Variants in JARID2 observed in about 807,000 individuals in gnomAD.
JARID2 encodes jumonji and AT-rich interaction domain containing 2.
A neutral mutation model predicts 125.6 loss-of-function variants in JARID2; 21 were observed. The observed-to-expected ratio is 0.17, with a 90% confidence interval of 0.12 to 0.24. JARID2 has a LOEUF of 0.24. Ranked by LOEUF, JARID2 falls within the 10% of genes least tolerant of loss-of-function variation. JARID2 has a pLI of 1.00. For synonymous variants in JARID2, 736 were observed against 661.6 expected, an observed-to-expected ratio of 1.11 and a Z score of -1.73; for missense variants, 1,303 against 1,639.6, an observed-to-expected ratio of 0.79 and a Z score of 3.55.
At chr6:15,472,604 T>C (rs1196582018) in intron 5 of JARID2, among the ~76,000 whole-genome samples, 6 of 152,212 alleles carry the variant, frequency 3.9e-5, no homozygotes, top group Non-Finnish European at 7.3e-5. Context: ...AACTACCATC[T>C]TGGGAGAAGC....
chr6:15,438,318 G>A (rs1401391158), intron 3 of JARID2, among the ~76,000 whole-genome samples: 1 of 152,240 alleles, frequency 6.6e-6, no homozygotes, highest in East Asian at 1.9e-4. Context: ...ATTATAAAGA[G>A]GGTAGTTATG....
At chr6:15,444,606 A>G (rs1581573526) in intron 3 of JARID2, among the ~76,000 whole-genome samples, 1 of 149,426 alleles carries the variant, frequency 6.7e-6, no homozygotes, top group Non-Finnish European at 1.5e-5. Flanking sequence ...GGATGGAAAC[A>G]CAGGAAATTT....
Position 15,369,052 on chromosome 6 carries a change from G to A in JARID2, c.46-5065G>A, listed in dbSNP as rs79433052. ...ATATGTTGAATCTCTAGCCCGGACCGTCAGCTGTGGAGAGTTGTTACATGG... is the reference window on the plus strand; with the variant it reads ...ATATGTTGAATCTCTAGCCCGGACCATCAGCTGTGGAGAGTTGTTACATGG... On this transcript the variant is annotated intron_variant, in intron 1 of 17. Transcript: ENST00000341776. Among the ~76,000 whole-genome samples, 609 of 151,890 alleles carry A rather than the reference G, an allele frequency of 4.0e-3. 2 individuals are homozygous for A. Among genetic ancestry groups the A allele is most frequent in the Non-Finnish European group, 6.6e-3 (448 of 67,986 alleles).
chr6:15,374,276 C>A, intron 2 of JARID2, 24 bp downstream of exon 2: 1 of 1,611,078 alleles, frequency 6.2e-7, no homozygotes. Context: ...TGGAATATCT[C>A]ATTGGAATGT....
chr6:15,340,106 C>A (rs1285316857), intron 1 of JARID2, among the ~76,000 whole-genome samples: 1 of 152,078 alleles, frequency 6.6e-6, no homozygotes, highest in Admixed American at 6.5e-5. Context: ...ATTACAGGTG[C>A]ATGCCACCAT....
At chr6:15,452,350 C>A in intron 4 of JARID2, 175 bp downstream of exon 4, 1 of 526,932 alleles carries the variant, frequency 1.9e-6, no homozygotes, top group Non-Finnish European at 2.4e-6. Flanking sequence ...CTGGGTGTGG[C>A]TTTTGAACCA....
chr6:15,406,900 CT>C (rs1432247617), intron 2 of JARID2, among the ~76,000 whole-genome samples: 1 of 152,050 alleles, frequency 6.6e-6, no homozygotes, highest in Admixed American at 6.6e-5. Flanking sequence ...GTCACGTTGG[CT>C]GATTCTTGTA....
At chr6:15,310,985 T>C (rs1581398146) in intron 1 of JARID2, among the ~76,000 whole-genome samples, 1 of 152,188 alleles carries the variant, frequency 6.6e-6, no homozygotes, top group African/African-American at 2.4e-5. Flanking sequence ...GGAACCGTCA[T>C]AGAGTGAATA....
At chr6:15,469,963 G>A (rs1254378652) in intron 5 of JARID2, among the ~76,000 whole-genome samples, 3 of 152,066 alleles carry the variant, frequency 2.0e-5, no homozygotes, top group Non-Finnish European at 4.4e-5. Flanking sequence ...CAGATCACGA[G>A]GTCAAGAGAT....
Position 15,507,273 on chromosome 6 carries a change from G to T in JARID2, c.2660+19G>T, listed in dbSNP as rs372174994. 13 of 1,600,042 alleles carry T rather than the reference G, an allele frequency of 8.1e-6. No individual in the cohort carries two copies. In the African/African-American group the frequency reaches 1.7e-4, roughly 21 times the overall value. On this transcript the variant is annotated intron_variant, in intron 10 of 17. Coordinates refer to ENST00000341776, the MANE Select transcript of JARID2 (RefSeq NM_004973.4). The stretch of plus-strand genomic sequence containing the variant: ...TTTCGAGGTAACCTGGGATTCTCTC[G>T]TCCAGGTTCTTGGGGATGTGACTGC...
At chr6:15,343,733 G>A (rs1763150321) in intron 1 of JARID2, among the ~76,000 whole-genome samples, 1 of 152,154 alleles carries the variant, frequency 6.6e-6, no homozygotes, top group Non-Finnish European at 1.5e-5. Context: ...AGATCAGATT[G>A]TTTAGACTAA....
intron 3 of JARID2, among the ~76,000 whole-genome samples, chr6:15,427,612 T>C (rs1183362114): frequency 6.6e-6 from 1 of 152,106 alleles, no homozygotes; most frequent in Non-Finnish European, 1.5e-5. Context: ...CTCATCCCTT[T>C]GCCCTCCTTG....
At chr6:15,366,971 AAG>A in intron 1 of JARID2, among the ~76,000 whole-genome samples, 1 of 152,216 alleles carries the variant, frequency 6.6e-6, no homozygotes, top group East Asian at 1.9e-4. Flanking sequence ...GTTAAAAAAA[AAG>A]TCTTTGTGTC....
intron 1 of JARID2, among the ~76,000 whole-genome samples, chr6:15,294,156 T>G (rs1226123039): frequency 6.6e-6 from 1 of 152,100 alleles, no homozygotes; most frequent in African/African-American, 2.4e-5. Flanking sequence ...GGCCAACCAC[T>G]TTAGGTTAGG....
chr6:15,474,373 A>G (rs910859278), intron 5 of JARID2, among the ~76,000 whole-genome samples: 1 of 152,094 alleles, frequency 6.6e-6, no homozygotes, highest in Middle Eastern at 3.4e-3. Context: ...GTTGCTCAAT[A>G]TGCATATTTG....
At chr6:15,429,520 C>A (rs547224595) in intron 3 of JARID2, among the ~76,000 whole-genome samples, 2 of 152,280 alleles carry the variant, frequency 1.3e-5, no homozygotes, top group East Asian at 3.9e-4. Context: ...CTTTGCACTT[C>A]AGCCTCCCAA....
chr6:15,295,688 G>T (rs1442009129), intron 1 of JARID2, among the ~76,000 whole-genome samples: 1 of 152,132 alleles, frequency 6.6e-6, no homozygotes, highest in Non-Finnish European at 1.5e-5. Flanking sequence ...TTTTGAGACG[G>T]AGTCTCGCTC....
In JARID2 at chr6:15,496,699, C is replaced by T. The variant is rs150448457; in HGVS notation, c.1474C>T (p.Arg492Cys). The T allele has an allele frequency of 0.012, 19,924 of 1,613,448 alleles. 164 individuals carry two copies. The highest frequency in any genetic ancestry group is 0.016 in the Middle Eastern group (98 of 6,062). ...NGHVKKEVPE[R>C]SLERNRPKRA... The stretch of plus-strand genomic sequence containing the variant: ...ACACGTGAAGAAGGAAGTGCCGGAG[C>T]GCAGTCTGGAGAGGAATCGGCCGAA... The change falls in exon 7 of 18, where the codon CGC (arginine) becomes TGC (cysteine). Residue 492 changes from arginine (R) to cysteine (C), a missense_variant. This residue lies in a region of JARID2 where 651 missense variants were observed against 581.6 expected (regional missense o/e 1.12). Transcript: ENST00000341776.
intron 1 of JARID2, among the ~76,000 whole-genome samples, chr6:15,261,382 T>G: frequency 6.6e-6 from 1 of 151,136 alleles, no homozygotes; most frequent in Non-Finnish European, 1.5e-5. Flanking sequence ...TGGCGCTATC[T>G]TGGCTCACTG....
Sources: allele counts gnomAD v4.1 joint callset (sites outside exome capture counted in the v4.1 genomes callset), GRCh38; gene constraint gnomAD v4.1.1; regional missense constraint gnomAD v4.1.1; transcripts MANE v1.5; gene names NCBI Gene and HGNC (gene_info 2026-07-23, HGNC 2026-07-21).